TENT5D: variants seen among roughly 807,000 people sequenced by gnomAD.
TENT5D encodes the protein terminal nucleotidyltransferase 5D, also known as cancer/testis antigen 112.
For synonymous variants in TENT5D, 103 were observed against 100.6 expected, an observed-to-expected ratio of 1.02 and a Z score of -0.15; for missense variants, 191 against 287.0, an observed-to-expected ratio of 0.67 and a Z score of 2.42.
chrX:80,442,607 A>C, exon 3 of TENT5D: 2 of 1,210,069 alleles, frequency 1.7e-6, no homozygotes, highest in South Asian at 1.8e-5. Context: ...GTGTTAGATG[A>C]AGTAATTCCA....
At chrX:80,348,121 C>T (rs909106974) in intron 3 of TENT5D, among the ~76,000 whole-genome samples, 28 of 111,763 alleles carry the variant, frequency 2.5e-4, no homozygotes, top group Non-Finnish European at 4.3e-4. Flanking sequence ...ATGCCTATAG[C>T]GTTGCTCTTT....
intron 3 of TENT5D, among the ~76,000 whole-genome samples, chrX:80,397,407 G>T (rs1480060069): frequency 6.5e-5 from 7 of 108,118 alleles, no homozygotes; most frequent in Non-Finnish European, 1.4e-4. Flanking sequence ...CTTCCTAGAT[G>T]GGATGGCGGC....
chrX:80,407,547 C>T (rs1382650335), intron 3 of TENT5D, among the ~76,000 whole-genome samples: 1 of 107,613 alleles, frequency 9.3e-6, no homozygotes, highest in Non-Finnish European at 1.9e-5. Flanking sequence ...ACAAGAAGAG[C>T]TAACTATCCT....
intron 3 of TENT5D, among the ~76,000 whole-genome samples, chrX:80,384,605 C>T (rs527822936): frequency 5.5e-4 from 52 of 95,058 alleles, no homozygotes; most frequent in South Asian, 1.1e-3. Flanking sequence ...AAATAAAGGG[C>T]ATTCAATTAG....
At chrX:80,442,605 T>A (rs370538052) in exon 3 of TENT5D, 1 of 1,208,649 alleles carries the variant, frequency 8.3e-7, no homozygotes, top group African/African-American at 1.7e-5. Flanking sequence ...AAGTGTTAGA[T>A]GAAGTAATTC....
chrX:80,420,211 A>G (rs1026347950), upstream of TENT5D, among the ~76,000 whole-genome samples: 5 of 110,615 alleles, frequency 4.5e-5, no homozygotes, highest in African/African-American at 1.6e-4. Flanking sequence ...TTAACTGGTT[A>G]TTTTCACTAT....
intron 3 of TENT5D, among the ~76,000 whole-genome samples, chrX:80,354,369 T>C (rs1238475972): frequency 9.0e-6 from 1 of 111,695 alleles, no homozygotes; most frequent in African/African-American, 3.3e-5. Flanking sequence ...ACCCCATATT[T>C]CTTGGGGATT....
chrX:80,371,564 A>G (rs1035579367), intron 3 of TENT5D, among the ~76,000 whole-genome samples: 1 of 111,941 alleles, frequency 8.9e-6, no homozygotes, highest in African/African-American at 3.2e-5. Context: ...ACCTTCATCA[A>G]TTATCTTAGA....
chrX:80,416,211 T>C (rs766809944), upstream of TENT5D, among the ~76,000 whole-genome samples: 1 of 109,219 alleles, frequency 9.2e-6, no homozygotes, highest in Non-Finnish European at 1.9e-5. Context: ...TAGTTGTCTA[T>C]CTTATTTATT....
chrX:80,357,423 G>T (rs1028124121), intron 3 of TENT5D, among the ~76,000 whole-genome samples: 13 of 108,591 alleles, frequency 1.2e-4, no homozygotes, highest in African/African-American at 4.4e-4. Context: ...TCCAGCACCT[G>T]TTGTTTCCTG....
At chrX:80,338,143 T>A (rs745389584) in intron 2 of TENT5D, among the ~76,000 whole-genome samples, 15 of 112,069 alleles carry the variant, frequency 1.3e-4, no homozygotes, top group Non-Finnish European at 1.7e-4. Flanking sequence ...TGGCTTTGCT[T>A]CTTCCTGTCT....
At chrX:80,423,717 A>C (rs1368136355) in intron 1 of TENT5D, among the ~76,000 whole-genome samples, 1 of 110,796 alleles carries the variant, frequency 9.0e-6, no homozygotes, top group Admixed American at 9.6e-5. Context: ...GAAAAAAAAA[A>C]AAGTGCCCAC....
At chrX:80,440,895 A>C (rs1932270460) in intron 2 of TENT5D, among the ~76,000 whole-genome samples, 1 of 111,445 alleles carries the variant, frequency 9.0e-6, no homozygotes, top group African/African-American at 3.2e-5. Flanking sequence ...ATTTGAGCAT[A>C]ACAAACTGTT....
intron 3 of TENT5D, among the ~76,000 whole-genome samples, chrX:80,408,912 G>A (rs1348586425): frequency 2.7e-5 from 3 of 110,260 alleles, no homozygotes; most frequent in Non-Finnish European, 5.7e-5. Flanking sequence ...GATCAAGTGG[G>A]CTTCATCCCT....
At chrX:80,387,336 G>A (rs1931036763) in intron 3 of TENT5D, among the ~76,000 whole-genome samples, 1 of 111,799 alleles carries the variant, frequency 8.9e-6, no homozygotes. Flanking sequence ...GGTATTTATT[G>A]TAGTCTTCAT....
chrX:80,387,503 A>G (rs1931041410), intron 3 of TENT5D, among the ~76,000 whole-genome samples: 1 of 112,164 alleles, frequency 8.9e-6, no homozygotes, highest in Admixed American at 9.4e-5. Context: ...AACTTGTATT[A>G]TGTACCAGCT....
chrX:80,408,053 C>T (rs375316254), intron 3 of TENT5D, among the ~76,000 whole-genome samples: 6 of 109,198 alleles, frequency 5.5e-5, no homozygotes, highest in Admixed American at 9.7e-5. Flanking sequence ...TTGAAACCAA[C>T]GAGAACAAAG....
rs775991100 is a variant in TENT5D at position 80,348,408 on chromosome X, T to C, written c.-142+5844T>C. Reference sequence around the variant, plus strand: ...ATCCCTTGTAAGTTGGATTCCTAGGTATTTTATTCTCTTGGTAGCAATTGT... The same window carrying C: ...ATCCCTTGTAAGTTGGATTCCTAGGCATTTTATTCTCTTGGTAGCAATTGT... On this transcript the variant is annotated intron_variant, in intron 3 of 4. Transcript: ENST00000538312. Among the ~76,000 whole-genome samples, 6 of 111,551 alleles carry C rather than the reference T, an allele frequency of 5.4e-5. No individual in the cohort carries two copies. The Admixed American group carries it at 5.7e-4, about 11-fold the overall frequency.
intron 3 of TENT5D, among the ~76,000 whole-genome samples, chrX:80,375,272 T>C (rs1219636853): frequency 8.9e-6 from 1 of 111,818 alleles, no homozygotes; most frequent in Non-Finnish European, 1.9e-5. Context: ...TTAGCTGTTA[T>C]ACTCATTTTC....
Sources: gnomAD v4.1 joint callset for allele counts (sites outside exome capture counted in the v4.1 genomes callset) on GRCh38, gnomAD v4.1.1 for gene constraint, MANE v1.5 for transcripts, NCBI Gene and HGNC (gene_info 2026-07-23, HGNC 2026-07-21) for gene names.